MAP2K1: variants seen among roughly 807,000 people sequenced by gnomAD.
MAP2K1 encodes mitogen-activated protein kinase kinase 1.
MAP2K1 carries 16 observed loss-of-function variants against 46.3 expected under a neutral mutation model. The observed-to-expected ratio is 0.35, with a 90% CI of 0.23 to 0.52. The LOEUF (loss-of-function observed/expected upper bound fraction) is 0.52. MAP2K1 is among the 20% of genes least tolerant of loss of function. The pLI, the probability that MAP2K1 is intolerant of heterozygous loss-of-function variation, is 0.94. For missense variants in MAP2K1, 263 were observed against 497.1 expected (o/e 0.53, Z 4.48); for synonymous variants, 183 against 185.6 (o/e 0.99, Z 0.11).
intron 6 of MAP2K1, among the ~76,000 whole-genome samples, chr15:66,484,674 A>G (rs1317325749): frequency 6.7e-6 from 1 of 149,680 alleles, no homozygotes; most frequent in Non-Finnish European, 1.5e-5. Context: ...CTGCGTGTGC[A>G]AGACTGTGGC....
chr15:66,387,507 C>G lies in MAP2K1; in HGVS notation c.80+80C>G, dbSNP rs554848489. On this transcript the variant is annotated intron_variant, in intron 1 of 10. Transcript: ENST00000307102. ...GGGAGCAGGAGCGCGCGCCAGGCTC[C>G]GATCTGGTTTGTCACGTACGTCTGG... 67 of 1,407,644 alleles carry G rather than the reference C, an allele frequency of 4.8e-5. No homozygotes were observed. The Admixed American group carries it at 1.0e-3, about 21-fold the overall frequency. The allele number at this position is 1,407,644 out of a possible 1,614,324, so 87.2% of individuals were successfully genotyped here.
chr15:66,426,972 T>C (rs966109925), intron 1 of MAP2K1, among the ~76,000 whole-genome samples: 5 of 152,214 alleles, frequency 3.3e-5, no homozygotes, highest in Non-Finnish European at 7.3e-5. Context: ...ACTTCTTGCC[T>C]GCATATAAAC....
At chr15:66,400,181 C>G (rs180841495) in intron 1 of MAP2K1, among the ~76,000 whole-genome samples, 2 of 152,100 alleles carry the variant, frequency 1.3e-5, no homozygotes, top group East Asian at 3.9e-4. Context: ...AAAACCTTTT[C>G]TGCTGGCTTT....
chr15:66,427,302 G>A (rs956894880), intron 1 of MAP2K1, among the ~76,000 whole-genome samples: 2 of 152,162 alleles, frequency 1.3e-5, no homozygotes, highest in Non-Finnish European at 2.9e-5. Flanking sequence ...GCTCATGCCT[G>A]TAATCCCAGC....
Position 66,386,929 on chromosome 15 carries a change from C to T in MAP2K1, c.-419C>T. ...CGGCCTCCAGTCCCTCCCAGGGCCG[C>T]TTCGCAGAGCGGCTAGGAGCACGGC... On this transcript the variant is annotated 5_prime_UTR_variant, in exon 1 of 11. Transcript: ENST00000307102. 4.0e-6 allele frequency: 1 copy of T among 247,350 alleles called. No individual in the cohort carries two copies. 15.3% of individuals were successfully genotyped at this position (247,350 alleles called of 1,614,324 possible). A position where few individuals can be genotyped will look rare whatever the true frequency, so the allele number is the denominator to read the frequency against.
intron 1 of MAP2K1, among the ~76,000 whole-genome samples, chr15:66,420,265 T>C (rs1340224508): frequency 2.0e-5 from 3 of 149,574 alleles, no homozygotes; most frequent in African/African-American, 7.4e-5. Context: ...AACGAATGAA[T>C]GAATGAATGA....
chr15:66,478,743 C>A (rs1281124006), intron 5 of MAP2K1, among the ~76,000 whole-genome samples: 1 of 152,034 alleles, frequency 6.6e-6, no homozygotes, highest in Non-Finnish European at 1.5e-5. Flanking sequence ...TCCCAAAGTG[C>A]TGGGGTTACA....
intron 1 of MAP2K1, chr15:66,414,835 G>A: frequency 4.3e-6 from 1 of 230,292 alleles, no homozygotes; most frequent in South Asian, 4.8e-5. Flanking sequence ...ATTCCCATTA[G>A]GATATGAAAG....
intron 1 of MAP2K1, among the ~76,000 whole-genome samples, chr15:66,433,695 G>A (rs1218483569): frequency 1.3e-5 from 2 of 152,128 alleles, no homozygotes; most frequent in African/African-American, 4.8e-5. Context: ...GCTCAGAACT[G>A]GGGTGTGTGT....
At position 66,464,503 on chromosome 15, in the gene MAP2K1, A is replaced by G. The variant is rs189590354; in HGVS notation, c.569-17252A>G. Among the ~76,000 whole-genome samples, 550 of 152,272 alleles carry G rather than the reference A, an allele frequency of 3.6e-3. 2 individuals carry two copies. Among genetic ancestry groups the G allele is most frequent in the African/African-American group, 0.013 (526 of 41,558 alleles). Reference sequence around the variant, plus strand: ...CAAATTAGGAAAGATGGGAAAAAGGAAAAGAAATTGAAAACATTGTTTTTT... The same window carrying G: ...CAAATTAGGAAAGATGGGAAAAAGGGAAAGAAATTGAAAACATTGTTTTTT... On this transcript the variant is annotated intron_variant, in intron 5 of 10. Transcript: ENST00000307102.
chr15:66,445,156 G>T (rs1318785926), intron 5 of MAP2K1, among the ~76,000 whole-genome samples: 3 of 139,680 alleles, frequency 2.1e-5, no homozygotes, highest in Non-Finnish European at 4.8e-5. Flanking sequence ...GCGGGGGGAG[G>T]TGGGGGGGTG....
At chr15:66,453,120 T>A (rs143047528) in intron 5 of MAP2K1, among the ~76,000 whole-genome samples, 1 of 152,354 alleles carries the variant, frequency 6.6e-6, no homozygotes, top group Non-Finnish European at 1.5e-5. Context: ...CTGTACTATG[T>A]ACCTACTATG....
At chr15:66,425,667 A>G (rs980812882) in intron 1 of MAP2K1, among the ~76,000 whole-genome samples, 37 of 152,234 alleles carry the variant, frequency 2.4e-4, no homozygotes, top group Admixed American at 6.5e-5. Flanking sequence ...ATCAGCAGGT[A>G]CAACTACAAG....
At chr15:66,432,383 T>C (rs1417453562) in intron 1 of MAP2K1, among the ~76,000 whole-genome samples, 1 of 152,232 alleles carries the variant, frequency 6.6e-6, no homozygotes, top group Non-Finnish European at 1.5e-5. Context: ...AGCTCAGGCT[T>C]AGTTTTTCCT....
chr15:66,473,730 T>C (rs565595876), intron 5 of MAP2K1, among the ~76,000 whole-genome samples: 1 of 152,328 alleles, frequency 6.6e-6, no homozygotes, highest in Admixed American at 6.5e-5. Context: ...CAGGCTGGAG[T>C]GCAGTGGTGC....
At chr15:66,430,678 A>G (rs989060104) in intron 1 of MAP2K1, among the ~76,000 whole-genome samples, 8 of 152,156 alleles carry the variant, frequency 5.3e-5, no homozygotes, top group African/African-American at 1.2e-4. Context: ...CATCTGTAAA[A>G]TGAGAATTGG....
chr15:66,488,983 C>CG, intron 8 of MAP2K1: 2 of 599,548 alleles, frequency 3.3e-6, no homozygotes, highest in Admixed American at 2.8e-5. Flanking sequence ...TTGACTTGGT[C>CG]CCAATTCTAA....
intron 5 of MAP2K1, among the ~76,000 whole-genome samples, chr15:66,477,438 A>G (rs961922782): frequency 1.1e-4 from 16 of 152,144 alleles, no homozygotes; most frequent in Admixed American, 4.6e-4. Context: ...CTGTGAAGCA[A>G]TCATTGTCTA....
At chr15:66,460,002 G>T (rs534733455) in intron 5 of MAP2K1, among the ~76,000 whole-genome samples, 2 of 152,318 alleles carry the variant, frequency 1.3e-5, no homozygotes, top group African/African-American at 4.8e-5. Context: ...TCCTATCTGT[G>T]TGTGACTAAG....
Sources: allele counts gnomAD v4.1 joint callset (sites outside exome capture counted in the v4.1 genomes callset), GRCh38; gene constraint gnomAD v4.1.1; transcripts MANE v1.5; gene names NCBI Gene and HGNC (gene_info 2026-07-23, HGNC 2026-07-21).